VWF: variants seen among roughly 807,000 people sequenced by gnomAD.
VWF encodes the protein von Willebrand factor, also known as Factor VIII related antigen.
A neutral mutation model predicts 308.6 loss-of-function variants in VWF; 176 were observed. That is an observed-to-expected ratio of 0.57 (90% CI 0.50 to 0.65). The LOEUF (loss-of-function observed/expected upper bound fraction) is 0.65. VWF is among the 30% of genes least tolerant of loss of function. The pLI, the probability that VWF is intolerant of heterozygous loss-of-function variation, is 0.00. For synonymous variants in VWF, 1,385 were observed against 1,443.4 expected (o/e 0.96, Z 0.92); for missense variants, 3,146 against 3,648.2 (o/e 0.86, Z 3.55).
Position 5,994,599 on chromosome 12 carries a change from C to A in VWF, c.6072G>T (p.Val2024=). ...AAGGAACAGAGACCAGTCTCCCATT[C>A]ACCGTCACCTGCACAAAGAAGAAAG... The part of the protein sequence containing the change: ...VELHSDMEVT[V]NGRLVSVPYV... Residue 2024 remains valine (V), a synonymous_variant, in exon 36 of 52, where the codon GTG becomes GTT. Transcript: ENST00000261405. The A allele has an allele frequency of 1.2e-6, 2 of 1,613,948 alleles. No homozygotes were observed. The highest frequency in any genetic ancestry group is 1.7e-6 in the Non-Finnish European group (2 of 1,179,844).
intron 50 of VWF, 58 bp downstream of exon 50, chr12:5,951,786 G>T: frequency 6.3e-7 from 1 of 1,591,122 alleles, no homozygotes; most frequent in Non-Finnish European, 8.6e-7. Context: ...AAGCTGCAAA[G>T]AGCCCCTGGA....
intron 20 of VWF, among the ~76,000 whole-genome samples, chr12:6,034,367 G>T (rs953611457): frequency 6.6e-6 from 1 of 152,186 alleles, no homozygotes; most frequent in Non-Finnish European, 1.5e-5. Context: ...CTACCAGAAG[G>T]AACAGATGAC....
At chr12:5,994,347 A>G in intron 36 of VWF, 68 bp downstream of exon 36, 1 of 1,602,624 alleles carries the variant, frequency 6.2e-7, no homozygotes, top group East Asian at 2.2e-5. Context: ...CAAGAGCCTC[A>G]GAGTAGAGCA....
At chr12:6,092,512 T>C (rs948317814) in intron 6 of VWF, among the ~76,000 whole-genome samples, 1 of 81,408 alleles carries the variant, frequency 1.2e-5, no homozygotes, top group African/African-American at 4.0e-5. Context: ...AGCTAGTATG[T>C]GTTTGTCTGT....
At chr12:6,096,994 A>G (rs1444159368) in intron 5 of VWF, among the ~76,000 whole-genome samples, 1 of 152,190 alleles carries the variant, frequency 6.6e-6, no homozygotes, top group Non-Finnish European at 1.5e-5. Context: ...GATCCCCCCC[A>G]CACCAAAGAT....
At chr12:5,989,547 T>C (rs933785147) in intron 38 of VWF, among the ~76,000 whole-genome samples, 2 of 152,258 alleles carry the variant, frequency 1.3e-5, no homozygotes, top group African/African-American at 2.4e-5. Flanking sequence ...TAACTAATTT[T>C]ATTTTACCTG....
At chr12:6,069,988 T>TA (rs995393934) in intron 10 of VWF, among the ~76,000 whole-genome samples, 1 of 152,198 alleles carries the variant, frequency 6.6e-6, no homozygotes, top group Non-Finnish European at 1.5e-5. Context: ...TACAAACGTC[T>TA]AAAAAAACAC....
intron 20 of VWF, among the ~76,000 whole-genome samples, chr12:6,032,422 G>C (rs28630679): frequency 6.9e-6 from 1 of 144,630 alleles, no homozygotes; most frequent in African/African-American, 2.8e-5. Flanking sequence ...GGCGGATCAC[G>C]AGGTCAGGAG....
chr12:6,097,622 T>A (rs1018078742), intron 5 of VWF, among the ~76,000 whole-genome samples: 8 of 152,144 alleles, frequency 5.3e-5, no homozygotes, highest in Admixed American at 5.2e-4. Context: ...CGAGAGCTTC[T>A]GGAGGGAGTT....
chr12:6,093,865 AG>A (rs1455856057), intron 6 of VWF, among the ~76,000 whole-genome samples: 1 of 152,170 alleles, frequency 6.6e-6, no homozygotes, highest in Non-Finnish European at 1.5e-5. Flanking sequence ...CCTTCTCTCC[AG>A]TGTGAGGTCC....
Position 6,016,503 on chromosome 12 carries a change from G to A in VWF, c.5311+13C>T. 1 of 1,613,050 alleles carries A rather than the reference G, an allele frequency of 6.2e-7. No individual in the cohort carries two copies. The highest frequency in any genetic ancestry group is 8.5e-7 in the Non-Finnish European group (1 of 1,179,642). On this transcript the variant is annotated intron_variant, in intron 30 of 51. Transcript: ENST00000261405. ...ATGCAGCTTCTGCATCCAGCCTGTGGCACCAACGTTACCGATTTGGCTGGG... is the reference window on the plus strand; with the variant it reads ...ATGCAGCTTCTGCATCCAGCCTGTGACACCAACGTTACCGATTTGGCTGGG...
chr12:5,956,461 C>T (rs1032801644), intron 47 of VWF, among the ~76,000 whole-genome samples: 1 of 152,040 alleles, frequency 6.6e-6, no homozygotes, highest in African/African-American at 2.4e-5. Context: ...TAGGCCTAGA[C>T]TACTGTGCGT....
intron 41 of VWF, 34 bp downstream of exon 41, chr12:5,983,116 C>T: frequency 6.2e-7 from 1 of 1,600,390 alleles, no homozygotes; most frequent in South Asian, 1.1e-5. Context: ...CAGAGAGAGG[C>T]CACACCACCC....
chr12:6,072,319 A>G lies in VWF; in HGVS notation c.1109+12T>C. 6.2e-7 allele frequency: 1 copy of G among 1,613,352 alleles called. No homozygotes were observed. Among genetic ancestry groups the G allele is most frequent in the Non-Finnish European group, 8.5e-7 (1 of 1,179,522 alleles). On this transcript the variant is annotated intron_variant, in intron 9 of 51. Transcript: ENST00000261405. ...GCAGGTCTCCCAGAGCACGCTGCGC[A>G]GCCCCCATTACCAGGTGTTGCAGTC... is the stretch of plus-strand genomic sequence containing the variant.
intron 34 of VWF, among the ~76,000 whole-genome samples, chr12:6,000,259 AT>A (rs1400262007): frequency 1.3e-5 from 2 of 152,190 alleles, no homozygotes; most frequent in African/African-American, 2.4e-5. Flanking sequence ...TAAAGAAAAA[AT>A]TTTCCAGGCC....
chr12:5,996,231 A>C lies in VWF; in HGVS notation c.5843-9T>G, dbSNP rs1218726489. On this transcript the variant is annotated splice_polypyrimidine_tract_variant and intron_variant, in intron 34 of 51. Transcript: ENST00000261405. The stretch of plus-strand genomic sequence containing the variant: ...GCTGCCTGTGCACACGCCTGGACAG[A>C]GAGAAGCAGAGGATGGATGCGACGT... 2.5e-6 allele frequency: 4 copies of C among 1,606,830 alleles called. No individual in the cohort carries two copies. The East Asian group carries it at 8.9e-5, about 36-fold the overall frequency.
intron 3 of VWF, among the ~76,000 whole-genome samples, chr12:6,119,272 G>A (rs1484062724): frequency 6.6e-6 from 1 of 152,136 alleles, no homozygotes; most frequent in Non-Finnish European, 1.5e-5. Context: ...AGCAGCAGCA[G>A]TTGGGAAATT....
At chr12:6,045,782 A>G (rs1944441276) in intron 17 of VWF, among the ~76,000 whole-genome samples, 1 of 152,256 alleles carries the variant, frequency 6.6e-6, no homozygotes, top group Non-Finnish European at 1.5e-5. Context: ...GATTGAAGAT[A>G]GCCATTTATC....
At chr12:6,037,189 C>T (rs1378750834) in intron 18 of VWF, among the ~76,000 whole-genome samples, 2 of 151,992 alleles carry the variant, frequency 1.3e-5, no homozygotes, top group African/African-American at 2.4e-5. Flanking sequence ...CTGGGATAGG[C>T]GAGTGGGAGG....
Sources: allele counts gnomAD v4.1 joint callset (sites outside exome capture counted in the v4.1 genomes callset), GRCh38; gene constraint gnomAD v4.1.1; transcripts MANE v1.5; gene names NCBI Gene and HGNC (gene_info 2026-07-23, HGNC 2026-07-21).